The following CCSER1 variants were observed in gnomAD, a reference collection of about 807,000 sequenced individuals.
CCSER1 encodes serine-rich coiled-coil domain-containing protein 1.
CCSER1 carries 41 observed loss-of-function variants against 82.0 expected under a neutral mutation model. The observed-to-expected ratio is 0.50, with a 90% CI of 0.39 to 0.65. The LOEUF is 0.65. Ranked by LOEUF, CCSER1 falls within the 30% of genes least tolerant of loss-of-function variation. CCSER1 has a pLI of 0.00. For missense variants in CCSER1, 1,119 were observed against 1,064.2 expected (o/e 1.05, Z -0.72); for synonymous variants, 414 against 383.9 (o/e 1.08, Z -0.92).
At chr4:90,425,652 A>C (rs912017888) in intron 4 of CCSER1, among the ~76,000 whole-genome samples, 1 of 152,186 alleles carries the variant, frequency 6.6e-6, no homozygotes, top group African/African-American at 2.4e-5. Flanking sequence ...CTTATCATCC[A>C]TTCTCTGTAT....
At chr4:90,733,997 G>T (rs1250538568) in intron 7 of CCSER1, among the ~76,000 whole-genome samples, 1 of 151,802 alleles carries the variant, frequency 6.6e-6, no homozygotes, top group Non-Finnish European at 1.5e-5. Context: ...GGATAGCTTT[G>T]GCTATTCTGG....
At position 91,132,479 on chromosome 4, in the gene CCSER1, A is replaced by G. The variant is rs547513636; in HGVS notation, c.2217+46485A>G. Among the ~76,000 whole-genome samples the G allele has an allele frequency of 3.9e-5, 6 of 152,316 alleles. No individual in the cohort carries two copies. In the East Asian group the frequency reaches 1.2e-3, roughly 29 times the overall value. Reference sequence around the variant, plus strand: ...CTCTGGACCCCAGATTTATTTCACAATTGCCCTGCAATTAAAATGAGATCT... The same window carrying G: ...CTCTGGACCCCAGATTTATTTCACAGTTGCCCTGCAATTAAAATGAGATCT... On this transcript the variant is annotated intron_variant, in intron 10 of 10. Transcript: ENST00000509176.
chr4:91,494,916 G>A (rs1222159265), intron 10 of CCSER1, among the ~76,000 whole-genome samples: 5 of 151,282 alleles, frequency 3.3e-5, no homozygotes, highest in Non-Finnish European at 3.0e-5. Context: ...ATACTTCTAC[G>A]CAGCATTCCA....
At chr4:90,721,547 G>T (rs1742685111) in intron 6 of CCSER1, among the ~76,000 whole-genome samples, 1 of 151,790 alleles carries the variant, frequency 6.6e-6, no homozygotes, top group Non-Finnish European at 1.5e-5. Flanking sequence ...AACATTTTAT[G>T]AAGAAAGTTG....
intron 9 of CCSER1, among the ~76,000 whole-genome samples, chr4:91,048,557 A>G (rs892387847): frequency 8.5e-5 from 13 of 152,124 alleles, no homozygotes; most frequent in Non-Finnish European, 1.9e-4. Flanking sequence ...CTATATTCCC[A>G]TGGACAGGCT....
intron 1 of CCSER1, among the ~76,000 whole-genome samples, chr4:90,144,152 G>C (rs1725368873): frequency 6.6e-6 from 1 of 152,042 alleles, no homozygotes; most frequent in Non-Finnish European, 1.5e-5. Flanking sequence ...TCAAAATTTG[G>C]ATTTGTTTCT....
intron 3 of CCSER1, among the ~76,000 whole-genome samples, chr4:90,365,544 C>T (rs532321115): frequency 6.6e-6 from 1 of 151,656 alleles, no homozygotes; most frequent in African/African-American, 2.4e-5. Context: ...TTCATGTGTG[C>T]CTGTCAGTTA....
chr4:90,861,920 ATATATATTTT>A (rs139756212), intron 8 of CCSER1, among the ~76,000 whole-genome samples: 11,080 of 131,766 alleles, frequency 0.084, 543 homozygotes, highest in Admixed American at 0.14. Flanking sequence ...ATATATATAT[ATATATATTTT>A]TTTTTTCTGT....
At chr4:90,798,555 GC>G (rs1756348791) in intron 7 of CCSER1, among the ~76,000 whole-genome samples, 1 of 152,132 alleles carries the variant, frequency 6.6e-6, no homozygotes, top group African/African-American at 2.4e-5. Flanking sequence ...AGGCCTTCTG[GC>G]TTTTTGGGTT....
At chr4:90,193,652 T>A (rs1252121925) in intron 1 of CCSER1, among the ~76,000 whole-genome samples, 1 of 151,990 alleles carries the variant, frequency 6.6e-6, no homozygotes, top group Non-Finnish European at 1.5e-5. Context: ...CACTTAACAT[T>A]ATTTTTACAT....
chr4:90,450,832 T>A lies in CCSER1; in HGVS notation c.1604-17402T>A, dbSNP rs1182458493. On this transcript the variant is annotated intron_variant, in intron 4 of 10. Coordinates refer to ENST00000509176, the MANE Select transcript of CCSER1 (RefSeq NM_001145065.2). ...TTCATGCGATTGGGCCTCTGATAGT[T>A]GTTGCAGTTTGTGTTGCAAATGGGC... Among the ~76,000 whole-genome samples, 3 of 152,222 alleles carry A rather than the reference T, an allele frequency of 2.0e-5. No individual in the cohort carries two copies. The South Asian group carries it at 6.2e-4, about 32-fold the overall frequency.
intron 3 of CCSER1, among the ~76,000 whole-genome samples, chr4:90,382,274 T>A (rs1749322368): frequency 1.3e-5 from 2 of 152,092 alleles, no homozygotes; most frequent in African/African-American, 4.8e-5. Context: ...GCATTTTAGA[T>A]GAAATGAATA....
chr4:91,187,210 G>T (rs1734627100), intron 10 of CCSER1, among the ~76,000 whole-genome samples: 1 of 152,238 alleles, frequency 6.6e-6, no homozygotes. Context: ...AGTTGGAAAT[G>T]CAGAAATCAC....
chr4:90,992,742 C>A (rs541644325), intron 9 of CCSER1, among the ~76,000 whole-genome samples: 1 of 152,080 alleles, frequency 6.6e-6, no homozygotes, highest in African/African-American at 2.4e-5. Flanking sequence ...CTCCCAGAGG[C>A]CCCTTGCAAT....
At chr4:90,344,894 C>T (rs560939546) in intron 3 of CCSER1, among the ~76,000 whole-genome samples, 19 of 152,118 alleles carry the variant, frequency 1.2e-4, no homozygotes, top group African/African-American at 4.3e-4. Flanking sequence ...AGAATTTATT[C>T]AATGAGACTA....
At chr4:91,169,448 C>T (rs1244718114) in intron 10 of CCSER1, among the ~76,000 whole-genome samples, 1 of 152,000 alleles carries the variant, frequency 6.6e-6, no homozygotes, top group Non-Finnish European at 1.5e-5. Context: ...TGGCGAAGCC[C>T]ATTCTGTACT....
chr4:90,704,976 CA>C (rs748754378), intron 6 of CCSER1, among the ~76,000 whole-genome samples: 4 of 152,210 alleles, frequency 2.6e-5, no homozygotes, highest in Non-Finnish European at 5.9e-5. Context: ...CTCAACTCGT[CA>C]AAGTCATTCT....
chr4:91,052,534 A>T (rs564073504), intron 9 of CCSER1, among the ~76,000 whole-genome samples: 21 of 152,230 alleles, frequency 1.4e-4, no homozygotes, highest in Non-Finnish European at 1.3e-4. Flanking sequence ...AACACTTTGC[A>T]TCCTGTTGTG....
intron 10 of CCSER1, among the ~76,000 whole-genome samples, chr4:91,305,852 G>A (rs1327569306): frequency 6.6e-6 from 1 of 151,976 alleles, no homozygotes; most frequent in African/African-American, 2.4e-5. Flanking sequence ...GCAGGCAGAA[G>A]AGCGTGTTCA....
Sources: allele counts gnomAD v4.1 joint callset (sites outside exome capture counted in the v4.1 genomes callset), GRCh38; gene constraint gnomAD v4.1.1; transcripts MANE v1.5; gene names NCBI Gene and HGNC (gene_info 2026-07-23, HGNC 2026-07-21).